Variants in MPHOSPH8 observed in about 807,000 individuals in gnomAD.
MPHOSPH8 encodes M-phase phosphoprotein, mpp.
Under a neutral mutation model 87.3 loss-of-function variants are expected in MPHOSPH8, and 45 were observed. That is an observed-to-expected ratio of 0.52 (90% CI 0.41 to 0.66). MPHOSPH8 has a LOEUF of 0.66. MPHOSPH8 is among the 30% of genes least tolerant of loss of function. MPHOSPH8 has a pLI of 0.00. For synonymous variants in MPHOSPH8, 366 were observed against 376.9 expected (o/e 0.97, Z 0.33); for missense variants, 883 against 1,020.2 (o/e 0.87, Z 1.83).
At chr13:19,670,922 C>T in intron 12 of MPHOSPH8, 1 of 958,922 alleles carries the variant, frequency 1.0e-6, no homozygotes, top group Non-Finnish European at 1.5e-6. Flanking sequence ...CAGGCACAAG[C>T]AATCCTCCCA....
At chr13:19,671,183 T>A (rs774496569) in intron 12 of MPHOSPH8, 23 bp from the exon 13 acceptor site, 9 of 1,609,568 alleles carry the variant, frequency 5.6e-6, no homozygotes, top group Non-Finnish European at 7.6e-6. Context: ...AACACTGACT[T>A]TTTTTTTCTC....
At position 19,666,343 on chromosome 13, in the gene MPHOSPH8, G is replaced by A. The variant is rs151208757; in HGVS notation, c.2020-82G>A. On this transcript the variant is annotated intron_variant, in intron 9 of 13. Coordinates refer to ENST00000361479, the MANE Select transcript of MPHOSPH8 (RefSeq NM_017520.4). ...GCCTGTGCCCTCTCTTCACAGAACCGCTAAGCATGTATGGAGAAGGGACCA... is the reference window on the plus strand; with the variant it reads ...GCCTGTGCCCTCTCTTCACAGAACCACTAAGCATGTATGGAGAAGGGACCA... 782 of 1,393,332 alleles carry A rather than the reference G, an allele frequency of 5.6e-4. 1 individual carries two copies. Among genetic ancestry groups the A allele is most frequent in the Non-Finnish European group, 6.9e-4 (701 of 1,022,510 alleles). The allele number at this position is 1,393,332 out of a possible 1,614,324, so 86.3% of individuals were successfully genotyped here. A position where few individuals can be genotyped will look rare whatever the true frequency, so the allele number is the denominator to read the frequency against.
chr13:19,648,575 A>G (rs758035275), intron 4 of MPHOSPH8, 54 bp downstream of exon 4: 300 of 778,256 alleles, frequency 3.9e-4, no homozygotes, highest in Non-Finnish European at 3.2e-4. Flanking sequence ...TTATACAAAT[A>G]ACCAGTTACC....
At chr13:19,656,134 C>A (rs1218300610) in intron 5 of MPHOSPH8, among the ~76,000 whole-genome samples, 1 of 151,816 alleles carries the variant, frequency 6.6e-6, no homozygotes, top group Non-Finnish European at 1.5e-5. Flanking sequence ...ATAAAATAAA[C>A]CAGGCAGGAT....
chr13:19,652,875 T>A (rs1874936309), intron 5 of MPHOSPH8, among the ~76,000 whole-genome samples: 1 of 151,894 alleles, frequency 6.6e-6, no homozygotes, highest in Non-Finnish European at 1.5e-5. Context: ...CCAGACTGCC[T>A]CTAGATTCCT....
chr13:19,662,501 A>C, intron 8 of MPHOSPH8, among the ~76,000 whole-genome samples: 1 of 152,142 alleles, frequency 6.6e-6, no homozygotes, highest in East Asian at 1.9e-4. Context: ...GCCTCAGTTA[A>C]AGTGCTGGGA....
chr13:19,634,830 G>A (rs776900449), intron 1 of MPHOSPH8, among the ~76,000 whole-genome samples: 24 of 152,190 alleles, frequency 1.6e-4, no homozygotes, highest in Admixed American at 5.2e-4. Context: ...TGGATGTGAG[G>A]TAAACAAAGG....
chr13:19,642,278 G>A lies in MPHOSPH8; in HGVS notation c.369+8G>A, dbSNP rs1309113980. On this transcript the variant is annotated splice_region_variant and intron_variant, in intron 2 of 13. Coordinates refer to ENST00000361479, the MANE Select transcript of MPHOSPH8 (RefSeq NM_017520.4). ...GTCAGGAAGGATATTCAGGTACTAT[G>A]TTTTGTCTCATATTTGTTTTTACAT... 3 of 1,572,090 alleles carry A rather than the reference G, an allele frequency of 1.9e-6. No individual in the cohort carries two copies. Among genetic ancestry groups the A allele is most frequent in the Non-Finnish European group, 1.7e-6 (2 of 1,165,480 alleles).
At chr13:19,659,918 T>C (rs192223444) in intron 7 of MPHOSPH8, among the ~76,000 whole-genome samples, 153 of 151,350 alleles carry the variant, frequency 1.0e-3, no homozygotes, top group African/African-American at 3.6e-3. Flanking sequence ...CCATCTCTCC[T>C]GTTGTAGCTG....
intron 11 of MPHOSPH8, among the ~76,000 whole-genome samples, chr13:19,669,502 G>T (rs1443238765): frequency 7.3e-6 from 1 of 136,858 alleles, no homozygotes; most frequent in Non-Finnish European, 1.5e-5. Flanking sequence ...TACAATGTCT[G>T]CATCCACCAA....
chr13:19,639,782 C>T (rs539138735), intron 1 of MPHOSPH8, among the ~76,000 whole-genome samples: 152 of 152,248 alleles, frequency 1.0e-3, no homozygotes, highest in African/African-American at 3.6e-3. Context: ...ATTGCCAAAT[C>T]CAAAGTCGTG....
intron 8 of MPHOSPH8, 23 bp downstream of exon 8, chr13:19,661,861 G>A (rs761827952): frequency 6.3e-7 from 1 of 1,579,804 alleles, no homozygotes; most frequent in East Asian, 2.3e-5. Context: ...TTATGCATCA[G>A]TTTCAGAGCT....
chr13:19,643,970 G>T (rs1204678414), intron 2 of MPHOSPH8, among the ~76,000 whole-genome samples: 1 of 152,158 alleles, frequency 6.6e-6, no homozygotes, highest in Non-Finnish European at 1.5e-5. Context: ...ACAATACAGA[G>T]AAATTAACCT....
At chr13:19,657,302 G>C (rs1875243570) in intron 5 of MPHOSPH8, among the ~76,000 whole-genome samples, 2 of 151,946 alleles carry the variant, frequency 1.3e-5, no homozygotes. Flanking sequence ...GATCATTTGA[G>C]GTCAGAAGTT....
intron 7 of MPHOSPH8, among the ~76,000 whole-genome samples, chr13:19,659,900 A>G (rs1434825349): frequency 6.6e-6 from 1 of 150,810 alleles, no homozygotes; most frequent in Non-Finnish European, 1.5e-5. Context: ...CCCATTTACA[A>G]CAATGGTCCA....
At chr13:19,655,259 G>A (rs1168334684) in intron 5 of MPHOSPH8, among the ~76,000 whole-genome samples, 1 of 152,154 alleles carries the variant, frequency 6.6e-6, no homozygotes, top group African/African-American at 2.4e-5. Context: ...AGGATCACTT[G>A]AGCCCAGGAG....
At chr13:19,651,664 C>T (rs1322537116) in intron 5 of MPHOSPH8, among the ~76,000 whole-genome samples, 1 of 152,156 alleles carries the variant, frequency 6.6e-6, no homozygotes, top group East Asian at 1.9e-4. Flanking sequence ...TGTGAATAGC[C>T]ACTGTACTCC....
rs202016064 is a variant in MPHOSPH8, at chr13:19,671,199, A to G, written c.2458-7A>G. ...ACACTGACTTTTTTTTTCTCTTTCC[A>G]TTGTAGGACAGTCATTTTGTTTACT... On this transcript the variant is annotated splice_region_variant and splice_polypyrimidine_tract_variant and intron_variant, in intron 12 of 13. Coordinates refer to ENST00000361479, the MANE Select transcript of MPHOSPH8 (RefSeq NM_017520.4). The G allele has an allele frequency of 6.2e-6, 10 of 1,611,436 alleles. No individual in the cohort carries two copies. Among genetic ancestry groups the G allele is most frequent in the South Asian group, 3.3e-5 (3 of 90,526 alleles).
chr13:19,634,487 G>A (rs1873882557), intron 1 of MPHOSPH8, among the ~76,000 whole-genome samples: 1 of 152,100 alleles, frequency 6.6e-6, no homozygotes, highest in African/African-American at 2.4e-5. Context: ...GCGTTGTATA[G>A]CTCGCAGCCA....
Sources: gnomAD v4.1 joint callset for allele counts (sites outside exome capture counted in the v4.1 genomes callset) on GRCh38, gnomAD v4.1.1 for gene constraint, MANE v1.5 for transcripts, NCBI Gene and HGNC (gene_info 2026-07-23, HGNC 2026-07-21) for gene names.